Variants in KCNN1 observed in about 807,000 individuals in gnomAD.
The protein encoded by KCNN1 is small conductance calcium-activated potassium channel protein 1.
KCNN1 carries 20 observed loss-of-function variants against 44.7 expected under a neutral mutation model. That is an observed-to-expected ratio of 0.45 (90% CI 0.32 to 0.65). The LOEUF (loss-of-function observed/expected upper bound fraction) is 0.65. KCNN1 is among the 30% of genes least tolerant of loss of function. KCNN1 has a pLI of 0.05. For missense variants in KCNN1, 632 were observed against 785.3 expected (o/e 0.80, Z 2.33); for synonymous variants, 324 against 341.7 (o/e 0.95, Z 0.57).
chr19:17,960,368 G>A lies in KCNN1; in HGVS notation c.-82+5687G>A, dbSNP rs1369265923. On this transcript the variant is annotated intron_variant, in intron 2 of 10. Coordinates refer to the KCNN1 transcript ENST00000222249. ...AAGTTGGCCAGGCGGGGTGGCTCACGGCTGTAATCCTAGCACTTTGGGAGG... is the reference window on the plus strand; with the variant it reads ...AAGTTGGCCAGGCGGGGTGGCTCACAGCTGTAATCCTAGCACTTTGGGAGG... Among the ~76,000 whole-genome samples the A allele has an allele frequency of 3.9e-5, 6 of 152,180 alleles. No individual in the cohort carries two copies. The South Asian group carries it at 8.3e-4, about 21-fold the overall frequency.
intron 7 of KCNN1, 60 bp downstream of exon 7, chr19:17,989,903 C>G: frequency 4.3e-6 from 7 of 1,610,058 alleles, no homozygotes; most frequent in Non-Finnish European, 5.1e-6. Context: ...AGGCAGCCCT[C>G]GCAGCTCTGT....
intron 2 of KCNN1, among the ~76,000 whole-genome samples, chr19:17,961,406 G>A (rs71332119): frequency 0.12 from 17,746 of 151,666 alleles, 1,117 homozygotes; most frequent in South Asian, 0.15. Flanking sequence ...ATGAGACCTC[G>A]TCTCTACATT....
At chr19:17,971,864 A>G (rs908225246) in intron 1 of KCNN1, among the ~76,000 whole-genome samples, 3 of 151,906 alleles carry the variant, frequency 2.0e-5, no homozygotes, top group African/African-American at 7.3e-5. Flanking sequence ...TCAGGAGAAC[A>G]TTTACATAAA....
At position 17,982,131 on chromosome 19, in the gene KCNN1, C is replaced by T. The variant is rs1169058600; in HGVS notation, c.917+4C>T. 5 of 1,525,224 alleles carry T rather than the reference C, an allele frequency of 3.3e-6. No homozygotes were observed. Among genetic ancestry groups the T allele is most frequent in the East Asian group, 2.4e-5 (1 of 42,010 alleles). 94.5% of individuals were successfully genotyped at this position (1,525,224 alleles called of 1,614,324 possible). A position where few individuals can be genotyped will look rare whatever the true frequency, so the allele number is the denominator to read the frequency against. ...GGACCGTGCGCGTCTGCGAGAGGTG[C>T]GACCGCCGCCCCTGGAGCCCCCCCA... is the stretch of plus-strand genomic sequence containing the variant. On this transcript the variant is annotated splice_donor_region_variant and intron_variant, in intron 4 of 9. Transcript: ENST00000684775.
At position 17,993,676 on chromosome 19, in the gene KCNN1, T is replaced by A; in HGVS notation, c.1377+117T>A. 1.3e-6 allele frequency: 1 copy of A among 796,278 alleles called. No homozygotes were observed. The highest frequency in any genetic ancestry group is 2.2e-6 in the Non-Finnish European group (1 of 458,212). The allele number at this position is 796,278 out of a possible 1,614,324, so 49.3% of individuals were successfully genotyped here. ...AGGACCCGCTGTGGGCTGAGTGCAG[T>A]GGCGGGCGGATCGCTTGAGCTCAGG... On this transcript the variant is annotated intron_variant, in intron 9 of 9. Coordinates refer to ENST00000684775, the MANE Select transcript of KCNN1 (RefSeq NM_001386974.1). The surrounding 1 kb of genome is among the most constrained non-coding windows in gnomAD (Gnocchi z 4.5).
intron 3 of KCNN1, among the ~76,000 whole-genome samples, chr19:17,978,429 T>G (rs1431112271): frequency 1.3e-5 from 2 of 149,574 alleles, no homozygotes; most frequent in African/African-American, 4.9e-5. Flanking sequence ...AGCCTGTTTT[T>G]TTTTTTTTTT....
chr19:17,987,410 C>T (rs367568421), intron 5 of KCNN1, among the ~76,000 whole-genome samples: 12 of 152,242 alleles, frequency 7.9e-5, no homozygotes, highest in African/African-American at 2.2e-4. Context: ...GCACCTGGTC[C>T]GTGTCTGCTT....
chr19:17,965,320 C>T (rs2031774066), upstream of KCNN1, among the ~76,000 whole-genome samples: 1 of 151,796 alleles, frequency 6.6e-6, no homozygotes, highest in African/African-American at 2.4e-5. Context: ...ACAGCCTGTG[C>T]AAGCAGACCA....
chr19:17,990,962 C>T (rs1850315416), intron 7 of KCNN1, among the ~76,000 whole-genome samples: 1 of 152,104 alleles, frequency 6.6e-6, no homozygotes, highest in African/African-American at 2.4e-5. Flanking sequence ...AGAGCCACAT[C>T]CAACATCAGT....
At chr19:17,966,035 TC>T (rs2031799018), upstream of KCNN1, among the ~76,000 whole-genome samples, 2 of 64,876 alleles carry the variant, frequency 3.1e-5, no homozygotes, top group Non-Finnish European at 6.9e-5. Flanking sequence ...CTTCCTTCCT[TC>T]CTTCCTTCCT....
At chr19:17,984,867 C>A (rs1599368735) in intron 4 of KCNN1, among the ~76,000 whole-genome samples, 1 of 152,088 alleles carries the variant, frequency 6.6e-6, no homozygotes, top group Non-Finnish European at 1.5e-5. Context: ...GACGTCCCTT[C>A]TTCACTCGAG....
upstream of KCNN1, among the ~76,000 whole-genome samples, chr19:17,965,180 T>A (rs1308593963): frequency 4.0e-5 from 6 of 151,586 alleles, no homozygotes. Flanking sequence ...GCATGAGAAT[T>A]GCTTGAACCC....
chr19:17,968,833 C>A (rs2031912812), intron 1 of KCNN1, among the ~76,000 whole-genome samples: 1 of 152,128 alleles, frequency 6.6e-6, no homozygotes, highest in African/African-American at 2.4e-5. Flanking sequence ...ATATCAAAGA[C>A]CTTCCAACCC....
Position 17,983,754 on chromosome 19 carries a change from C to A in KCNN1, c.918-1558C>A, listed in dbSNP as rs1481399396. On this transcript the variant is annotated intron_variant, in intron 4 of 9. Coordinates refer to ENST00000684775, the MANE Select transcript of KCNN1 (RefSeq NM_001386974.1). The surrounding 1 kb of genome is among the most constrained non-coding windows in gnomAD (Gnocchi z 4.5). ...GTGGTCCCGCGGCACCCCCCACCAT[C>A]GCTCCGTCTGGATCTGGGGCTCACC... Among the ~76,000 whole-genome samples the A allele has an allele frequency of 6.6e-6, 1 of 152,164 alleles. No individual in the cohort carries two copies. Among genetic ancestry groups the A allele is most frequent in the Admixed American group, 6.5e-5 (1 of 15,286 alleles).
In KCNN1 at chr19:17,974,208, G is replaced by C; in HGVS notation, c.320G>C (p.Ser107Thr). The change falls in exon 2 of 10, where the codon AGC (serine) becomes ACC (threonine). Residue 107 changes from serine (S) to threonine (T), a missense_variant. Ser to Thr is a moderately conservative substitution (Grantham distance 58). Around this residue, in one of 3 missense-constraint regions of KCNN1, gnomAD observed 235 missense variants for 224.0 expected, o/e 1.05. Transcript: ENST00000684775. This position sits in a 1 kb window ranked among gnomAD's most constrained non-coding sequence, Gnocchi z 7.3. ...CTCTTCGAGAAGCGGAAGCGCCTCA[G>C]CGACTATGCCCTCATTTTCGGCATG... ...RALFEKRKRL[S>T]DYALIFGMFG... 6.2e-7 allele frequency: 1 copy of C among 1,613,312 alleles called. No individual in the cohort carries two copies. The highest frequency in any genetic ancestry group is 8.5e-7 in the Non-Finnish European group (1 of 1,179,660).
chr19:17,986,276 T>C (rs1367893412), intron 5 of KCNN1, among the ~76,000 whole-genome samples: 1 of 151,842 alleles, frequency 6.6e-6, no homozygotes, highest in Non-Finnish European at 1.5e-5. Flanking sequence ...GGCATGAGAA[T>C]TGCTTGAACC....
chr19:17,989,943 C>T (rs920458381), intron 7 of KCNN1, 100 bp downstream of exon 7: 13 of 1,569,726 alleles, frequency 8.3e-6, no homozygotes, highest in African/African-American at 5.4e-5. Context: ...CTGCCAGGGA[C>T]GGGTGGTCAG....
At chr19:17,955,596 AT>A (rs1355488501) in intron 2 of KCNN1, among the ~76,000 whole-genome samples, 9 of 149,860 alleles carry the variant, frequency 6.0e-5, no homozygotes, top group East Asian at 3.9e-4. Context: ...AAGAAAAAAA[AT>A]AATAATATAA....
intron 7 of KCNN1, among the ~76,000 whole-genome samples, chr19:17,992,122 A>C (rs1416047804): frequency 6.6e-6 from 1 of 152,204 alleles, no homozygotes; most frequent in East Asian, 1.9e-4. Context: ...GGAGTTCAAG[A>C]CCAGCCTGAC....
Sources: allele counts gnomAD v4.1 joint callset (sites outside exome capture counted in the v4.1 genomes callset), GRCh38; gene constraint gnomAD v4.1.1; regional missense constraint gnomAD v4.1.1; non-coding constraint Gnocchi (gnomAD v3.1); transcripts MANE v1.5; gene names NCBI Gene and HGNC (gene_info 2026-07-23, HGNC 2026-07-21).